MAST1: variants seen among roughly 807,000 people sequenced by gnomAD.
MAST1 encodes microtubule-associated serine/threonine-protein kinase 1.
Under a neutral mutation model 124.6 loss-of-function variants are expected in MAST1, and 40 were observed. The observed-to-expected ratio is 0.32, with a 90% confidence interval of 0.25 to 0.42. MAST1 has a LOEUF of 0.42. Ranked by LOEUF, MAST1 falls within the 10% of genes least tolerant of loss-of-function variation. The pLI, the probability that MAST1 is intolerant of heterozygous loss-of-function variation, is 1.00. For missense variants in MAST1, 1,558 were observed against 2,181.9 expected, an observed-to-expected ratio of 0.71 and a Z score of 5.70; for synonymous variants, 938 against 939.4, an observed-to-expected ratio of 1.00 and a Z score of 0.03.
chr19:12,838,695 C>T lies in MAST1; in HGVS notation c.83+40C>T, dbSNP rs373726482. ...CCCTAGACATTGTCCCGGCCCTCCC[C>T]GCAAAAGCCGCCGCTCCGGGTACTG... On this transcript the variant is annotated intron_variant, in intron 1 of 25. Coordinates refer to ENST00000251472, the MANE Select transcript of MAST1 (RefSeq NM_014975.3). The surrounding 1 kb of genome is among the most constrained non-coding windows in gnomAD (Gnocchi z 4.3). 4 of 1,579,946 alleles carry T rather than the reference C, an allele frequency of 2.5e-6. No homozygotes were observed. The highest frequency in any genetic ancestry group is 2.7e-5 in the African/African-American group (2 of 73,662).
At chr19:12,861,981 G>C (rs2145904524) in intron 12 of MAST1, among the ~76,000 whole-genome samples, 2 of 149,378 alleles carry the variant, frequency 1.3e-5, no homozygotes, top group Non-Finnish European at 3.0e-5. Context: ...GATTACAGGA[G>C]TGAGCCACCG....
Position 12,858,421 on chromosome 19 carries a change from C to A in MAST1, c.1137C>A (p.Leu379=). The change falls in exon 11 of 26, where the codon CTC becomes CTA. Residue 379 remains leucine (L), a synonymous_variant. Transcript: ENST00000251472. ...AGAATGACTTCGATACCATCAAGCTCATAAGCAACGGTGCCTACGGGTGAG... is the reference window on the plus strand; with the variant it reads ...AGAATGACTTCGATACCATCAAGCTAATAAGCAACGGTGCCTACGGGTGAG... The part of the protein sequence containing the change: ...PGENDFDTIK[L]ISNGAYGAVY... 2 of 1,613,968 alleles carry A rather than the reference C, an allele frequency of 1.2e-6. No homozygotes were observed. The highest frequency in any genetic ancestry group is 1.7e-6 in the Non-Finnish European group (2 of 1,179,960).
Position 12,847,148 on chromosome 19 carries a change from T to G in MAST1, c.328-142T>G, listed in dbSNP as rs1181868492. The stretch of plus-strand genomic sequence containing the variant: ...CTGTGGCCAAGAGTCCCAGCCAAGA[T>G]CCTAGGATCCAAGGATCGTAAATCA... On this transcript the variant is annotated intron_variant, in intron 4 of 25. Coordinates refer to ENST00000251472, the MANE Select transcript of MAST1 (RefSeq NM_014975.3). This position sits in a 1 kb window ranked among gnomAD's most constrained non-coding sequence, Gnocchi z 5.5. 1.6e-6 allele frequency: 1 copy of G among 636,728 alleles called. No individual in the cohort carries two copies. The highest frequency in any genetic ancestry group is 1.8e-5 in the African/African-American group (1 of 54,534). 39.4% of individuals were successfully genotyped at this position (636,728 alleles called of 1,614,324 possible).
At chr19:12,871,306 G>A in intron 24 of MAST1, 134 bp downstream of exon 24, 1 of 1,355,904 alleles carries the variant, frequency 7.4e-7, no homozygotes, top group East Asian at 2.4e-5. Context: ...AAAGGGAAGA[G>A]GACAATTAAG....
In MAST1 at chr19:12,852,126, C is replaced by T. The variant is rs767983544; in HGVS notation, c.888C>T (p.Pro296=). The stretch of plus-strand genomic sequence containing the variant: ...CTGCCCTGCCTCAGGAATTCAACCC[C>T]GAGGAGTTCTACCACCTGCTGGAGG... The part of the protein sequence containing the change: ...ARLLECLEFN[P]EEFYHLLEAA... The change falls in exon 9 of 26, where the codon CCC becomes CCT. Residue 296 remains proline, a synonymous_variant. Transcript: ENST00000251472. 1.9e-5 allele frequency: 31 copies of T among 1,613,830 alleles called. No individual in the cohort carries two copies. Among genetic ancestry groups the T allele is most frequent in the Admixed American group, 5.0e-5 (3 of 60,012 alleles).
chr19:12,848,218 G>A (rs776415096), intron 7 of MAST1, 161 bp downstream of exon 7: 1 of 630,262 alleles, frequency 1.6e-6, no homozygotes, highest in Non-Finnish European at 2.7e-6. Flanking sequence ...CCCTTCCCTA[G>A]GTCTGACCGA....
Position 12,866,841 on chromosome 19 carries a change from C to A in MAST1, c.2139+79C>A. On this transcript the variant is annotated intron_variant, in intron 18 of 25. Coordinates refer to ENST00000251472, the MANE Select transcript of MAST1 (RefSeq NM_014975.3). This position sits in a 1 kb window ranked among gnomAD's most constrained non-coding sequence, Gnocchi z 5.2. ...GGAGAGACAGTGAGAAACAGGTTCC[C>A]TGGTGCCCAAGGTCTCAGGAGCGGG... 1 of 1,235,208 alleles carries A rather than the reference C, an allele frequency of 8.1e-7. No individual in the cohort carries two copies. Among genetic ancestry groups the A allele is most frequent in the Non-Finnish European group, 1.2e-6 (1 of 860,536 alleles). The allele number at this position is 1,235,208 out of a possible 1,614,324, so 76.5% of individuals were successfully genotyped here. A position where few individuals can be genotyped will look rare whatever the true frequency, so the allele number is the denominator to read the frequency against.
At chr19:12,851,288 G>A (rs1969956588) in intron 7 of MAST1, among the ~76,000 whole-genome samples, 1 of 148,522 alleles carries the variant, frequency 6.7e-6, no homozygotes, top group East Asian at 2.0e-4. Flanking sequence ...TTTTGAGACA[G>A]GGTCTCTCTC....
intron 24 of MAST1, among the ~76,000 whole-genome samples, chr19:12,871,590 G>C (rs909808513): frequency 6.6e-6 from 1 of 151,844 alleles, no homozygotes; most frequent in African/African-American, 2.4e-5. Flanking sequence ...CTGGGCAACA[G>C]AGTGAGACTC....
intron 18 of MAST1, among the ~76,000 whole-genome samples, chr19:12,867,152 A>G (rs975857238): frequency 1.1e-4 from 16 of 152,280 alleles, no homozygotes; most frequent in African/African-American, 3.6e-4. Context: ...CCTTGCTTTG[A>G]GAAGCAACTT....
Position 12,847,105 on chromosome 19 carries a change from C to CTG in MAST1, c.328-183_328-182dup. 1.7e-6 allele frequency: 1 copy of CTG among 593,358 alleles called. No individual in the cohort carries two copies. Among genetic ancestry groups the CTG allele is most frequent in the Non-Finnish European group, 3.0e-6 (1 of 332,246 alleles). The allele number at this position is 593,358 out of a possible 1,614,324, so 36.8% of individuals were successfully genotyped here. ...ACAGACTCACTGTCTCCACCCCTGT[C>CTG]TGTCCCTGTCCACCTGTCTGTGGCC... is the stretch of plus-strand genomic sequence containing the variant. On this transcript the variant is annotated intron_variant, in intron 4 of 25. Transcript: ENST00000251472. This position sits in a 1 kb window ranked among gnomAD's most constrained non-coding sequence, Gnocchi z 5.5.
rs1303994666 is a variant in MAST1, at chr19:12,852,415, C to T, written c.1077+20C>T. On this transcript the variant is annotated intron_variant, in intron 10 of 25. Coordinates refer to ENST00000251472, the MANE Select transcript of MAST1 (RefSeq NM_014975.3). ...TCTGAGGTAAGGCTGGGTGGCTAAG[C>T]GGTCAGTACCCTGGTTCCTGGGAGG... 7 of 1,528,340 alleles carry T rather than the reference C, an allele frequency of 4.6e-6. No individual in the cohort carries two copies. Among genetic ancestry groups the T allele is most frequent in the East Asian group, 2.5e-5 (1 of 40,656 alleles). The allele number at this position is 1,528,340 out of a possible 1,614,324, so 94.7% of individuals were successfully genotyped here.
Position 12,867,907 on chromosome 19 carries a change from C to A in MAST1, c.2496C>A (p.Ser832=). The A allele has an allele frequency of 6.2e-7, 1 of 1,603,026 alleles. No individual in the cohort carries two copies. Among genetic ancestry groups the A allele is most frequent in the Non-Finnish European group, 8.5e-7 (1 of 1,175,914 alleles). The change falls in exon 20 of 26, where the codon TCC becomes TCA. Residue 832 remains serine (S), a synonymous_variant. Transcript: ENST00000251472. The part of the protein sequence containing the change: ...PPRPSSDPAG[S]LDARAPKEET... ...GGCCCAGCTCCGACCCCGCGGGATC[C>A]CTGGATGCACGGGCCCCCAAAGAGG...
chr19:12,861,788 C>T (rs373208088), intron 12 of MAST1, among the ~76,000 whole-genome samples: 2 of 151,190 alleles, frequency 1.3e-5, no homozygotes, highest in African/African-American at 4.9e-5. Flanking sequence ...CTGCAACCTC[C>T]GCCTCCCGGG....
rs776016775 is a variant in MAST1, at chr19:12,874,399, G to A, written c.4242G>A (p.Pro1414=). 43 of 1,598,624 alleles carry A rather than the reference G, an allele frequency of 2.7e-5. 1 individual carries two copies. Among genetic ancestry groups the A allele is most frequent in the Non-Finnish European group, 5.1e-6 (6 of 1,179,136 alleles). The change falls in exon 26 of 26, where the codon CCG becomes CCA. Residue 1414 remains proline, a synonymous_variant. Coordinates refer to ENST00000251472, the MANE Select transcript of MAST1 (RefSeq NM_014975.3). The surrounding 1 kb of genome is among the most constrained non-coding windows in gnomAD (Gnocchi z 6.6). ...ARAVAKAALS[P]VQEHETGRRS... Reference sequence around the variant, plus strand: ...CTGTGGCCAAGGCGGCGCTGAGCCCGGTGCAGGAACACGAGACAGGCCGGC... The same window carrying A: ...CTGTGGCCAAGGCGGCGCTGAGCCCAGTGCAGGAACACGAGACAGGCCGGC...
intron 2 of MAST1, 55 bp from the exon 3 acceptor site, chr19:12,840,936 C>G (rs778597932): frequency 2.5e-6 from 2 of 790,242 alleles, no homozygotes; most frequent in Non-Finnish European, 4.7e-6. Context: ...GCTGTTTGCA[C>G]GCCGCTTTAG....
intron 12 of MAST1, among the ~76,000 whole-genome samples, chr19:12,859,856 T>A (rs2145902473): frequency 6.6e-6 from 1 of 151,900 alleles, no homozygotes; most frequent in South Asian, 2.1e-4. Flanking sequence ...TTTTTTGTTT[T>A]TTGTTTTTTT....
chr19:12,843,043 T>G lies in MAST1; in HGVS notation c.249-486T>G, dbSNP rs1050317551. On this transcript the variant is annotated intron_variant, in intron 3 of 25. Coordinates refer to ENST00000251472, the MANE Select transcript of MAST1 (RefSeq NM_014975.3). This position sits in a 1 kb window ranked among gnomAD's most constrained non-coding sequence, Gnocchi z 4.9. ...CTGCCAGTATGTGAGCCTGACCTGATAGTCACACCAACATTAATGGATTTG... is the reference window on the plus strand; with the variant it reads ...CTGCCAGTATGTGAGCCTGACCTGAGAGTCACACCAACATTAATGGATTTG... Among the ~76,000 whole-genome samples the G allele has an allele frequency of 6.6e-6, 1 of 152,132 alleles. No homozygotes were observed. The highest frequency in any genetic ancestry group is 2.4e-5 in the African/African-American group (1 of 41,410).
At chr19:12,848,193 AG>A in intron 7 of MAST1, 136 bp downstream of exon 7, 1 of 762,272 alleles carries the variant, frequency 1.3e-6, no homozygotes, top group Non-Finnish European at 2.1e-6. Context: ...CTGAGGACTC[AG>A]GGGTGGAAGT....
Sources: gnomAD v4.1 joint callset for allele counts (sites outside exome capture counted in the v4.1 genomes callset) on GRCh38, gnomAD v4.1.1 for gene constraint, Gnocchi (gnomAD v3.1) non-coding constraint, MANE v1.5 for transcripts, NCBI Gene and HGNC (gene_info 2026-07-23, HGNC 2026-07-21) for gene names.